Variants in HECTD4 observed in about 807,000 individuals in gnomAD.
The protein encoded by HECTD4 is probable E3 ubiquitin-protein ligase HECTD4.
HECTD4 carries 114 observed loss-of-function variants against 471.5 expected under a neutral mutation model. The observed-to-expected ratio is 0.24, with a 90% CI of 0.21 to 0.28. HECTD4 has a LOEUF of 0.28. Among genes scored for constraint, HECTD4 ranks in the 10% least tolerant of loss-of-function variants. The probability of loss-of-function intolerance (pLI) is 1.00; values close to 1 mark genes in which losing one functional copy is unlikely to be tolerated. For synonymous variants in HECTD4, 2,012 were observed against 2,256.0 expected (o/e 0.89, Z 3.07); for missense variants, 3,866 against 5,651.5 (o/e 0.68, Z 10.13).
chr12:112,238,214 T>G (rs1465474653), intron 34 of HECTD4, among the ~76,000 whole-genome samples: 2 of 152,118 alleles, frequency 1.3e-5, no homozygotes, highest in Non-Finnish European at 2.9e-5. Context: ...AATTTATCCT[T>G]CAAGTTTACT....
chr12:112,180,620 C>T (rs1038487293), intron 62 of HECTD4, among the ~76,000 whole-genome samples: 2 of 151,534 alleles, frequency 1.3e-5, no homozygotes, highest in African/African-American at 4.8e-5. Context: ...CCATGCAGTA[C>T]CAAAAGACCA....
intron 49 of HECTD4, among the ~76,000 whole-genome samples, chr12:112,210,801 C>T (rs1250671529): frequency 1.3e-5 from 2 of 152,180 alleles, no homozygotes; most frequent in Non-Finnish European, 1.5e-5. Context: ...TTGATTCCTC[C>T]AACTGATCAT....
chr12:112,185,240 C>T lies in HECTD4; in HGVS notation c.9726G>A (p.Ala3242=), dbSNP rs567182366. The T allele has an allele frequency of 1.1e-5, 17 of 1,550,456 alleles. No homozygotes were observed. The Admixed American group carries it at 1.2e-4, about 11-fold the overall frequency. Residue 3242 remains alanine, a synonymous_variant, in exon 61 of 76, where the codon GCG becomes GCA. Coordinates refer to ENST00000682272, the MANE Select transcript of HECTD4 (RefSeq NM_001388303.1). The part of the protein sequence containing the change: ...SGGACGGSGG[A]AAGDQGRFST... ...AGAACCTGCCCTGGTCACCGGCCGC[C>T]GCCCCCCCGGAGCCCCCGCAGGCGC...
At chr12:112,305,501 C>T (rs964574491) in intron 7 of HECTD4, among the ~76,000 whole-genome samples, 3 of 152,124 alleles carry the variant, frequency 2.0e-5, no homozygotes, top group South Asian at 2.1e-4. Context: ...ATCTCGTGCG[C>T]TTATTTGCTC....
intron 66 of HECTD4, 83 bp from the exon 67 acceptor site, chr12:112,172,944 T>C: frequency 8.3e-7 from 1 of 1,209,924 alleles, no homozygotes. Flanking sequence ...CAGAGCCCTG[T>C]CCTCAGCTCC....
At chr12:112,164,296 G>C in intron 72 of HECTD4, 21 bp from the exon 73 acceptor site, 1 of 1,604,048 alleles carries the variant, frequency 6.2e-7, no homozygotes, top group Non-Finnish European at 8.5e-7. Flanking sequence ...GAGGCAGAGC[G>C]AGGCTCATTA....
intron 1 of HECTD4, among the ~76,000 whole-genome samples, chr12:112,356,888 T>C (rs2036349730): frequency 6.6e-6 from 1 of 152,248 alleles, no homozygotes; most frequent in Admixed American, 6.5e-5. Context: ...TCAACCTTTC[T>C]GAGCTAGGGG....
chr12:112,308,076 C>T (rs1055307658), intron 6 of HECTD4, among the ~76,000 whole-genome samples: 1 of 152,200 alleles, frequency 6.6e-6, no homozygotes, highest in African/African-American at 2.4e-5. Context: ...ATTGCCTAGG[C>T]CAAGGCCTAG....
At chr12:112,237,208 A>G (rs901304199) in intron 34 of HECTD4, 110 bp from the exon 35 acceptor site, 10 of 916,470 alleles carry the variant, frequency 1.1e-5, no homozygotes, top group Middle Eastern at 3.2e-4. Flanking sequence ...TGTTTCATGA[A>G]CCATCTAATA....
intron 37 of HECTD4, 129 bp from the exon 38 acceptor site, chr12:112,233,214 CTT>C (rs546999938): frequency 0.09 from 20,751 of 230,756 alleles, no homozygotes; most frequent in South Asian, 0.14. Context: ...CTAACATTAG[CTT>C]TTTTTTTTTT....
chr12:112,185,634 A>C, intron 60 of HECTD4, 141 bp from the exon 61 acceptor site: 1 of 604,346 alleles, frequency 1.7e-6, no homozygotes. Context: ...CAGATGGAGA[A>C]ACAGAGGTTG....
chr12:112,245,110 C>T (rs2033729401), intron 29 of HECTD4, among the ~76,000 whole-genome samples: 1 of 152,136 alleles, frequency 6.6e-6, no homozygotes, highest in Non-Finnish European at 1.5e-5. Context: ...TCAAGCAATC[C>T]TCCCAACTCA....
In HECTD4 at chr12:112,179,495, G is replaced by A. The variant is rs937436912; in HGVS notation, c.10988-98C>T. ...TTCCAAACACTGTTTGAAAGGGGCAGTGGATGGACATTAGTGGAAGGAAGA... is the reference window on the plus strand; with the variant it reads ...TTCCAAACACTGTTTGAAAGGGGCAATGGATGGACATTAGTGGAAGGAAGA... On this transcript the variant is annotated intron_variant, in intron 62 of 75. Coordinates refer to ENST00000682272, the MANE Select transcript of HECTD4 (RefSeq NM_001388303.1). This position sits in a 1 kb window ranked among gnomAD's most constrained non-coding sequence, Gnocchi z 4.3. 1.0e-5 allele frequency: 11 copies of A among 1,072,526 alleles called. No individual in the cohort carries two copies. Among genetic ancestry groups the A allele is most frequent in the Non-Finnish European group, 1.5e-5 (11 of 725,340 alleles). The allele number at this position is 1,072,526 out of a possible 1,614,324, so 66.4% of individuals were successfully genotyped here. A position where few individuals can be genotyped will look rare whatever the true frequency, so the allele number is the denominator to read the frequency against.
At chr12:112,252,298 A>C (rs2033908467) in intron 23 of HECTD4, 126 bp downstream of exon 23, 4 of 967,178 alleles carry the variant, frequency 4.1e-6, no homozygotes, top group Non-Finnish European at 4.4e-6. Flanking sequence ...GACTAGTGCC[A>C]ACTAGAAGAG....
intron 54 of HECTD4, 200 bp downstream of exon 54, chr12:112,203,436 C>G: frequency 2.2e-6 from 1 of 464,766 alleles, no homozygotes; most frequent in Non-Finnish European, 3.8e-6. Flanking sequence ...AGCCTACCAT[C>G]TACTGCCAGC....
At chr12:112,210,397 G>C (rs1266827978) in intron 49 of HECTD4, 145 bp from the exon 50 acceptor site, 2 of 792,198 alleles carry the variant, frequency 2.5e-6, no homozygotes, top group Non-Finnish European at 4.1e-6. Context: ...GGGGGCTGGA[G>C]GGACTGAGCA....
intron 23 of HECTD4, 50 bp downstream of exon 23, chr12:112,252,374 C>T: frequency 1.3e-6 from 2 of 1,525,608 alleles, no homozygotes; most frequent in Non-Finnish European, 1.8e-6. Flanking sequence ...GTAATCAAGG[C>T]ACATAGCAGA....
At chr12:112,291,864 T>C (rs926774110) in intron 7 of HECTD4, among the ~76,000 whole-genome samples, 3 of 152,062 alleles carry the variant, frequency 2.0e-5, no homozygotes, top group Admixed American at 1.3e-4. Flanking sequence ...AGAGTGAGTC[T>C]CCATCTCAGA....
In HECTD4 at chr12:112,161,728, C is replaced by CA. The variant is rs2030697587; in HGVS notation, c.*658dup. 6.6e-6 allele frequency: 1 copy of CA among 152,290 alleles called. No individual in the cohort carries two copies. Among genetic ancestry groups the CA allele is most frequent in the Non-Finnish European group, 1.5e-5 (1 of 68,126 alleles). The allele number at this position is 152,290 out of a possible 1,614,324, so 9.4% of individuals were successfully genotyped here. A position where few individuals can be genotyped will look rare whatever the true frequency, so the allele number is the denominator to read the frequency against. On this transcript the variant is annotated 3_prime_UTR_variant, in exon 76 of 76. Coordinates refer to ENST00000682272, the MANE Select transcript of HECTD4 (RefSeq NM_001388303.1). ...AGATGAAAACTGTCAGACCAGGGCC[C>CA]AAAGAGACAGACGGCAGATAGGGAG...
Sources: gnomAD v4.1 joint callset for allele counts (sites outside exome capture counted in the v4.1 genomes callset) on GRCh38, gnomAD v4.1.1 for gene constraint, Gnocchi (gnomAD v3.1) non-coding constraint, MANE v1.5 for transcripts, NCBI Gene and HGNC (gene_info 2026-07-23, HGNC 2026-07-21) for gene names.